The following SLC14A2 variants were observed in gnomAD, a reference collection of about 807,000 sequenced individuals.
SLC14A2 encodes urea transporter 2.
A neutral mutation model predicts 104.6 loss-of-function variants in SLC14A2; 91 were observed. That is an observed-to-expected ratio of 0.87 (90% CI 0.73 to 1.04). SLC14A2 has a LOEUF of 1.04. SLC14A2 is among the 50% of genes least tolerant of loss of function. SLC14A2 has a pLI of 0.00. For missense variants in SLC14A2, 1,189 were observed against 1,156.0 expected, an observed-to-expected ratio of 1.03 and a Z score of -0.41; for synonymous variants, 476 against 466.4, an observed-to-expected ratio of 1.02 and a Z score of -0.27.
chr18:45,503,137 G>GT lies in SLC14A2; in HGVS notation c.-35+19815_-35+19816insT, dbSNP rs1192992665. On this transcript the variant is annotated intron_variant, in intron 2 of 20. Coordinates refer to the SLC14A2 transcript ENST00000586448. ...TAAATGTGTAATTAATGTTGATTGT[G>GT]GCAAGCATGCTTCTTTTAGGTCAGA... 2.6e-5 allele frequency among the ~76,000 whole-genome samples: 4 copies of GT among 152,110 alleles called. 1 individual carries two copies. The highest frequency in any genetic ancestry group is 4.8e-5 in the African/African-American group (2 of 41,420).
At chr18:45,451,268 C>A (rs2086853190) in intron 1 of SLC14A2, among the ~76,000 whole-genome samples, 2 of 151,896 alleles carry the variant, frequency 1.3e-5, no homozygotes, top group Admixed American at 1.3e-4. Flanking sequence ...TTGCTGAAAG[C>A]CTGTCCCTAA....
intron 1 of SLC14A2, among the ~76,000 whole-genome samples, chr18:45,345,283 G>A (rs962292990): frequency 1.3e-5 from 2 of 152,160 alleles, no homozygotes; most frequent in Non-Finnish European, 2.9e-5. Context: ...GGTTCTAATC[G>A]TTATTCATGC....
chr18:45,371,892 A>T (rs943919965), intron 1 of SLC14A2, among the ~76,000 whole-genome samples: 1 of 152,230 alleles, frequency 6.6e-6, no homozygotes, highest in Non-Finnish European at 1.5e-5. Flanking sequence ...TTTTAAAAGG[A>T]TATAGAAAAG....
chr18:45,177,767 G>A, the SLC14A2 span, among the ~76,000 whole-genome samples: 1 of 152,116 alleles, frequency 6.6e-6, no homozygotes, highest in African/African-American at 2.4e-5. Flanking sequence ...TTTATTAGTA[G>A]TTTATTACTA....
In SLC14A2 at chr18:45,644,414, GGT is replaced by G. The variant is rs373739341; in HGVS notation, c.1351+261_1351+262del. On this transcript the variant is annotated intron_variant, in intron 10 of 19. Coordinates refer to ENST00000255226, the MANE Select transcript of SLC14A2 (RefSeq NM_007163.4). ...GTAAAATTTCCGGAGTTAGCAATAA[GGT>G]GTGTGTCTTAAATGTTGTTGACTTA... The G allele has an allele frequency of 2.1e-3, 822 of 398,130 alleles. 7 individuals carry two copies. The highest frequency in any genetic ancestry group is 9.2e-3 in the African/African-American group (465 of 50,460). 24.7% of individuals were successfully genotyped at this position (398,130 alleles called of 1,614,324 possible). A position where few individuals can be genotyped will look rare whatever the true frequency, so the allele number is the denominator to read the frequency against.
intron 1 of SLC14A2, among the ~76,000 whole-genome samples, chr18:45,411,166 A>C (rs2086211126): frequency 6.6e-6 from 1 of 152,186 alleles, no homozygotes; most frequent in East Asian, 1.9e-4. Context: ...ATAAAACATA[A>C]TGATTGCAAA....
At chr18:45,495,126 C>T (rs764409446) in intron 2 of SLC14A2, among the ~76,000 whole-genome samples, 15 of 152,014 alleles carry the variant, frequency 9.9e-5, no homozygotes, top group Non-Finnish European at 1.8e-4. Flanking sequence ...CTCTCTCTCT[C>T]GTCCCTACCT....
the SLC14A2 span, among the ~76,000 whole-genome samples, chr18:45,177,683 A>G: frequency 6.6e-6 from 1 of 152,082 alleles, no homozygotes; most frequent in Non-Finnish European, 1.5e-5. Context: ...TCCCCTCACA[A>G]TATACAATAA....
chr18:45,470,170 A>G (rs1433681853), intron 1 of SLC14A2, among the ~76,000 whole-genome samples: 1 of 152,194 alleles, frequency 6.6e-6, no homozygotes, highest in Non-Finnish European at 1.5e-5. Context: ...TAATGTTTAG[A>G]TCATCATTGC....
the SLC14A2 span, among the ~76,000 whole-genome samples, chr18:45,180,737 T>C: frequency 2.6e-5 from 4 of 152,172 alleles, no homozygotes; most frequent in Non-Finnish European, 5.9e-5. Flanking sequence ...TATAGAAATA[T>C]CAACTAAAAC....
intron 1 of SLC14A2, among the ~76,000 whole-genome samples, chr18:45,332,807 T>C (rs1414385644): frequency 6.6e-6 from 1 of 152,126 alleles, no homozygotes; most frequent in African/African-American, 2.4e-5. Flanking sequence ...CTGGCAACCA[T>C]TGGGGTGACA....
chr18:45,645,593 C>T (rs1211465671), intron 10 of SLC14A2, among the ~76,000 whole-genome samples: 2 of 9,992 alleles, frequency 2.0e-4, no homozygotes, highest in Non-Finnish European at 7.2e-4. Flanking sequence ...TAGTCAATAG[C>T]TTTCATTTGG....
At chr18:45,517,013 C>T (rs1405920258) in intron 2 of SLC14A2, among the ~76,000 whole-genome samples, 1 of 152,218 alleles carries the variant, frequency 6.6e-6, no homozygotes, top group East Asian at 1.9e-4. Context: ...TCTCTCCAGG[C>T]TCTCACTGTG....
intron 2 of SLC14A2, among the ~76,000 whole-genome samples, chr18:45,598,349 G>C (rs2144405813): frequency 1.3e-5 from 2 of 152,158 alleles, no homozygotes; most frequent in African/African-American, 4.8e-5. Flanking sequence ...AGAAGGGGAG[G>C]GAGAAATGAC....
intron 10 of SLC14A2, among the ~76,000 whole-genome samples, chr18:45,652,442 C>T (rs1294661121): frequency 1.3e-5 from 2 of 152,242 alleles, no homozygotes; most frequent in Non-Finnish European, 2.9e-5. Context: ...CCTTCTACCG[C>T]TGCACAGGCT....
intron 1 of SLC14A2, among the ~76,000 whole-genome samples, chr18:45,244,942 A>G (rs2084354458): frequency 1.3e-5 from 2 of 152,198 alleles, no homozygotes; most frequent in Admixed American, 1.3e-4. Context: ...TCATGTGCCA[A>G]ACAAACACTG....
chr18:45,447,313 C>T (rs1414059904), intron 1 of SLC14A2: 4 of 152,200 alleles, frequency 2.6e-5, no homozygotes, highest in African/African-American at 7.2e-5. Flanking sequence ...AGACAGTGAC[C>T]TCCGGATAAC....
At chr18:45,318,454 G>A (rs545106710) in intron 1 of SLC14A2, among the ~76,000 whole-genome samples, 3 of 152,254 alleles carry the variant, frequency 2.0e-5, no homozygotes, top group Admixed American at 6.5e-5. Flanking sequence ...GAGAGAGTCC[G>A]TGTGAAAGTT....
At chr18:45,497,312 C>T (rs2043114897) in intron 2 of SLC14A2, among the ~76,000 whole-genome samples, 2 of 152,178 alleles carry the variant, frequency 1.3e-5, no homozygotes, top group Non-Finnish European at 2.9e-5. Flanking sequence ...GTGTATTGAT[C>T]CCCTTCCAGG....
Sources: allele counts gnomAD v4.1 joint callset (sites outside exome capture counted in the v4.1 genomes callset), GRCh38; gene constraint gnomAD v4.1.1; transcripts MANE v1.5; gene names NCBI Gene and HGNC (gene_info 2026-07-23, HGNC 2026-07-21).